The following PDE10A variants were observed in gnomAD, a reference collection of about 807,000 sequenced individuals.
The protein encoded by PDE10A is phosphodiesterase 10A, also known as cAMP and cAMP-inhibited cGMP 3',5'-cyclic phosphodiesterase 10A.
A neutral mutation model predicts 97.7 loss-of-function variants in PDE10A; 39 were observed. That is an observed-to-expected ratio of 0.40 (90% CI 0.31 to 0.52). PDE10A has a LOEUF of 0.52. Ranked by LOEUF, PDE10A falls within the 20% of genes least tolerant of loss-of-function variation. The pLI is 0.56. For missense variants in PDE10A, 731 were observed against 1,047.8 expected (o/e 0.70, Z 4.17); for synonymous variants, 371 against 376.8 (o/e 0.98, Z 0.18).
At chr6:165,569,822 C>T (rs1355151556) in intron 1 of PDE10A, among the ~76,000 whole-genome samples, 1 of 152,056 alleles carries the variant, frequency 6.6e-6, no homozygotes, top group Non-Finnish European at 1.5e-5. Flanking sequence ...TGCATAAACC[C>T]ACATATGTTC....
At chr6:165,935,583 A>AG (rs1304917787) in intron 1 of PDE10A, among the ~76,000 whole-genome samples, 1 of 152,246 alleles carries the variant, frequency 6.6e-6, no homozygotes, top group African/African-American at 2.4e-5. Flanking sequence ...GCAGGAATGG[A>AG]GGAGAGTGGA....
chr6:165,619,324 G>A (rs1357348190), intron 1 of PDE10A, among the ~76,000 whole-genome samples: 1 of 130,280 alleles, frequency 7.7e-6, no homozygotes, highest in African/African-American at 4.3e-5. Flanking sequence ...CTAGTGTGGT[G>A]TAGTGTAGTG....
intron 1 of PDE10A, among the ~76,000 whole-genome samples, chr6:165,971,280 C>T (rs2128501059): frequency 6.6e-6 from 1 of 152,286 alleles, no homozygotes; most frequent in East Asian, 1.9e-4. Context: ...GGAGACCCCT[C>T]ATTGACTCGT....
intron 18 of PDE10A, among the ~76,000 whole-genome samples, chr6:165,354,126 CA>C (rs1274760816): frequency 6.6e-6 from 1 of 152,112 alleles, no homozygotes; most frequent in Non-Finnish European, 1.5e-5. Flanking sequence ...TCAGAAATAA[CA>C]GCTAAGTTCC....
chr6:165,824,552 C>A (rs2128469740), intron 1 of PDE10A, among the ~76,000 whole-genome samples: 1 of 152,262 alleles, frequency 6.6e-6, no homozygotes, highest in East Asian at 1.9e-4. Context: ...GTTTATGATC[C>A]CAATGAGGCA....
chr6:165,591,062 T>C (rs527398197), intron 1 of PDE10A, among the ~76,000 whole-genome samples: 1 of 152,248 alleles, frequency 6.6e-6, no homozygotes, highest in African/African-American at 2.4e-5. Flanking sequence ...TATTAGTCAT[T>C]TGGATCATAA....
In PDE10A at chr6:165,376,165, T is replaced by C. The variant is rs367683741; in HGVS notation, c.2783+3029A>G. On this transcript the variant is annotated intron_variant, in intron 18 of 21. Transcript: ENST00000539869. ...CTCCAATGAATGTGGGAAAGGTGAA[T>C]TGAAAACCTTTTGGAAAAGATTCAC... Among the ~76,000 whole-genome samples the C allele has an allele frequency of 3.9e-4, 59 of 152,342 alleles. No homozygotes were observed. In the Middle Eastern group the frequency reaches 0.01, roughly 26 times the overall value.
intron 10 of PDE10A, among the ~76,000 whole-genome samples, chr6:165,422,862 ATTAAT>A (rs1437772328): frequency 6.6e-6 from 1 of 152,098 alleles, no homozygotes; most frequent in Admixed American, 6.5e-5. Context: ...ATCATGAAAA[ATTAAT>A]TTAAGAAACA....
Position 165,673,967 on chromosome 6 carries a change from G to T in PDE10A, c.-614-130399C>A, listed in dbSNP as rs897581921. 7.5e-5 allele frequency among the ~76,000 whole-genome samples: 8 copies of T among 107,074 alleles called. No homozygotes were observed. The Admixed American group carries it at 9.1e-4, about 12-fold the overall frequency. The allele number at this position is 107,074 out of a possible 152,430, so 70.2% of individuals were successfully genotyped here. On this transcript the variant is annotated intron_variant, in intron 1 of 19. Coordinates refer to the PDE10A transcript ENST00000366882. ...TACGATAAAATAATGTGACTTGAAA[G>T]ATCTCTAATTTAAAATTTTTTAAAG...
chr6:165,773,183 A>G (rs1251550700), intron 1 of PDE10A: 1 of 152,162 alleles, frequency 6.6e-6, no homozygotes, highest in Non-Finnish European at 1.5e-5. Flanking sequence ...AGAAATAATC[A>G]TTTCTTGTTC....
At chr6:165,744,939 T>G (rs1178632216) in intron 1 of PDE10A, among the ~76,000 whole-genome samples, 1 of 152,184 alleles carries the variant, frequency 6.6e-6, no homozygotes, top group African/African-American at 2.4e-5. Context: ...ATGTTTTTAT[T>G]TAAAAGTATT....
intron 1 of PDE10A, among the ~76,000 whole-genome samples, chr6:165,943,048 C>T (rs540368376): frequency 6.6e-6 from 1 of 150,692 alleles, no homozygotes; most frequent in African/African-American, 2.5e-5. Flanking sequence ...TTTAGATAGC[C>T]CTTGTATTAG....
chr6:165,816,072 C>T (rs1779401106), intron 1 of PDE10A, among the ~76,000 whole-genome samples: 1 of 152,144 alleles, frequency 6.6e-6, no homozygotes, highest in East Asian at 1.9e-4. Context: ...GCCTCAGCCT[C>T]CTGAGTAGCT....
chr6:165,558,437 C>T (rs1309748426), intron 1 of PDE10A, among the ~76,000 whole-genome samples: 1 of 151,752 alleles, frequency 6.6e-6, no homozygotes, highest in Non-Finnish European at 1.5e-5. Context: ...GGGAACATCA[C>T]ACACCGGGGC....
chr6:165,872,346 T>G (rs1455108749), intron 1 of PDE10A, among the ~76,000 whole-genome samples: 1 of 152,144 alleles, frequency 6.6e-6, no homozygotes, highest in African/African-American at 2.4e-5. Context: ...TCCTCCCTTT[T>G]AGTGACTGAA....
At chr6:165,490,764 G>A (rs1780180459) in intron 2 of PDE10A, among the ~76,000 whole-genome samples, 2 of 152,134 alleles carry the variant, frequency 1.3e-5, no homozygotes, top group Non-Finnish European at 2.9e-5. Flanking sequence ...AGACCAGCCT[G>A]GCCAACATGG....
chr6:165,858,225 A>G (rs1190953918), intron 1 of PDE10A, among the ~76,000 whole-genome samples: 2 of 152,226 alleles, frequency 1.3e-5, no homozygotes, highest in Non-Finnish European at 2.9e-5. Context: ...CACACATAAA[A>G]AGACTTACAA....
intron 1 of PDE10A, among the ~76,000 whole-genome samples, chr6:165,551,754 C>A (rs941037328): frequency 6.6e-6 from 1 of 152,146 alleles, no homozygotes; most frequent in African/African-American, 2.4e-5. Flanking sequence ...TTAAAATTTA[C>A]ACGTTTTTAC....
At chr6:165,676,715 A>G (rs1790806102) in intron 1 of PDE10A, among the ~76,000 whole-genome samples, 1 of 151,666 alleles carries the variant, frequency 6.6e-6, no homozygotes, top group African/African-American at 2.4e-5. Context: ...CAAAATGGGA[A>G]ACATCAGTGA....
Sources: gnomAD v4.1 joint callset for allele counts (sites outside exome capture counted in the v4.1 genomes callset) on GRCh38, gnomAD v4.1.1 for gene constraint, MANE v1.5 for transcripts, NCBI Gene and HGNC (gene_info 2026-07-23, HGNC 2026-07-21) for gene names.